The following KRT75 variants were observed in gnomAD, a reference collection of about 807,000 sequenced individuals.
KRT75 encodes keratin, type II cytoskeletal 75.
Under a neutral mutation model 48.8 loss-of-function variants are expected in KRT75, and 35 were observed. The observed-to-expected ratio is 0.72, with a 90% CI of 0.55 to 0.95. KRT75 has a LOEUF of 0.95. Ranked by LOEUF, KRT75 falls within the 40% of genes least tolerant of loss-of-function variation. KRT75 has a pLI of 0.00. For missense variants in KRT75, 776 were observed against 709.9 expected (o/e 1.09, Z -1.06); for synonymous variants, 301 against 282.3 (o/e 1.07, Z -0.66).
chr12:52,429,903 G>A (rs1005783792), intron 5 of KRT75, among the ~76,000 whole-genome samples: 1 of 152,148 alleles, frequency 6.6e-6, no homozygotes, highest in Non-Finnish European at 1.5e-5. Context: ...GGCTGTCTGA[G>A]CTCTGGGCAG....
chr12:52,424,511 GCT>G lies in KRT75; in HGVS notation c.*4_*5del. ...AAGGCAGGGTAGAGGGAGCCATGGG[GCT>G]CTCTTAGTGCGTGTAGCTCTTCTGG... On this transcript the variant is annotated 3_prime_UTR_variant, in exon 9 of 9. Transcript: ENST00000252245. The G allele has an allele frequency of 6.2e-7, 1 of 1,612,312 alleles. No individual in the cohort carries two copies. The highest frequency in any genetic ancestry group is 1.3e-5 in the African/African-American group (1 of 75,004).
At position 52,424,217 on chromosome 12, in the gene KRT75, A is replaced by AG; in HGVS notation, c.*299dup. On this transcript the variant is annotated 3_prime_UTR_variant, in exon 9 of 9. Coordinates refer to ENST00000252245, the MANE Select transcript of KRT75 (RefSeq NM_004693.3). Reference sequence around the variant, plus strand: ...CCAGCCTCTGCATCTGGAGGGAGGGAGGGAGGTGGAGCTGGAGGAGGACTT... The same window carrying AG: ...CCAGCCTCTGCATCTGGAGGGAGGGAGGGGAGGTGGAGCTGGAGGAGGACTT... 2.1e-6 allele frequency: 1 copy of AG among 468,768 alleles called. No individual in the cohort carries two copies. The highest frequency in any genetic ancestry group is 4.0e-6 in the Non-Finnish European group (1 of 253,122). The allele number at this position is 468,768 out of a possible 1,614,324, so 29.0% of individuals were successfully genotyped here.
chr12:52,430,061 C>A (rs1392492767), intron 5 of KRT75, among the ~76,000 whole-genome samples: 25 of 152,148 alleles, frequency 1.6e-4, no homozygotes, highest in Admixed American at 1.6e-3. Flanking sequence ...TACAAAGCCC[C>A]CATGTCTTCC....
chr12:52,427,212 A>G (rs979336406), intron 7 of KRT75, among the ~76,000 whole-genome samples: 1 of 152,252 alleles, frequency 6.6e-6, no homozygotes, highest in African/African-American at 2.4e-5. Context: ...ACAAGGGACC[A>G]TTGTCATGCA....
intron 2 of KRT75, 38 bp from the exon 3 acceptor site, chr12:52,432,104 T>A (rs1355752722): frequency 6.8e-6 from 11 of 1,607,370 alleles, no homozygotes; most frequent in Non-Finnish European, 9.4e-6. Context: ...GTTGAGCAAG[T>A]CTGCATTGAA....
intron 5 of KRT75, among the ~76,000 whole-genome samples, 194 bp downstream of exon 5, chr12:52,430,347 G>A (rs1940126972): frequency 1.3e-5 from 2 of 152,130 alleles, no homozygotes; most frequent in South Asian, 2.1e-4. Context: ...CCAGCATTGG[G>A]CTGACCATGT....
At chr12:52,433,564 C>A (rs1485724522) in intron 1 of KRT75, among the ~76,000 whole-genome samples, 2 of 152,170 alleles carry the variant, frequency 1.3e-5, no homozygotes, top group Non-Finnish European at 2.9e-5. Context: ...AGAGAATCAA[C>A]AAAACTCTTC....
At chr12:52,426,875 G>T (rs1261353548) in intron 7 of KRT75, 24 bp from the exon 8 acceptor site, 1 of 1,613,344 alleles carries the variant, frequency 6.2e-7, no homozygotes, top group Non-Finnish European at 8.5e-7. Context: ...GCAGGGAGAA[G>T]GAAGGTTACC....
rs1270241192 is a variant in KRT75 at position 52,433,210 on chromosome 12, A to C, written c.541T>G (p.Trp181Gly). ...EQQNKVLETK[W>G]ALLQEQGSRT... Reference sequence around the variant, plus strand: ...GAGCCCTGCTCCTGCAGGAGGGCCCACTTGGTCTCCAGGACCTTGTTCTGC... The same window carrying C: ...GAGCCCTGCTCCTGCAGGAGGGCCCCCTTGGTCTCCAGGACCTTGTTCTGC... Residue 181 changes from tryptophan (W) to glycine (G), a missense_variant, in exon 2 of 9, where the codon TGG becomes GGG. Physicochemically the swap from Trp to Gly is radical, Grantham distance 184. Coordinates refer to ENST00000252245, the MANE Select transcript of KRT75 (RefSeq NM_004693.3). 1 of 1,613,924 alleles carries C rather than the reference A, an allele frequency of 6.2e-7. No individual in the cohort carries two copies. Among genetic ancestry groups the C allele is most frequent in the Non-Finnish European group, 8.5e-7 (1 of 1,179,986 alleles).
chr12:52,434,242 CGAGGTGG>C lies in KRT75; in HGVS notation c.56_62del (p.Thr19ArgfsTer111). On this transcript the variant is annotated frameshift_variant, in exon 1 of 9. Transcript: ENST00000252245. LOFTEE classifies it high-confidence loss of function. ...AGCGGCCAGCTGCCGGGGTGATGGC[CGAGGTGG>C]TGCTGAAGCCCCTGCGGCTGCCAGA... The C allele has an allele frequency of 1.3e-6, 2 of 1,589,260 alleles. No individual in the cohort carries two copies. Among genetic ancestry groups the C allele is most frequent in the South Asian group, 1.1e-5 (1 of 86,964 alleles).
chr12:52,428,700 A>G lies in KRT75; in HGVS notation c.1079T>C (p.Leu360Pro). 6.2e-7 allele frequency: 1 copy of G among 1,614,152 alleles called. No homozygotes were observed. Among genetic ancestry groups the G allele is most frequent in the Non-Finnish European group, 8.5e-7 (1 of 1,180,036 alleles). ...QVTAGRHGDD[L>P]RNTKQEISEM... is the part of the protein sequence containing the mutation. ...AGAGATCTCTTGTTTGGTGTTTCGAAGGTCATCCCCATGTCTGCCTGCGGT... is the reference window on the plus strand; with the variant it reads ...AGAGATCTCTTGTTTGGTGTTTCGAGGGTCATCCCCATGTCTGCCTGCGGT... The change falls in exon 6 of 9, where the codon CTT becomes CCT. Residue 360 changes from leucine to proline, a missense_variant. Coordinates refer to ENST00000252245, the MANE Select transcript of KRT75 (RefSeq NM_004693.3).
rs992679068 is a variant in KRT75 at position 52,429,872 on chromosome 12, C to T, written c.1035+669G>A. The stretch of plus-strand genomic sequence containing the variant: ...CTGGTATCATGGGTCAATTGTACCC[C>T]GCAAAGCCAAACTTCTTTGCGGCTG... On this transcript the variant is annotated intron_variant, in intron 5 of 8. Transcript: ENST00000252245. Among the ~76,000 whole-genome samples the T allele has an allele frequency of 4.6e-5, 7 of 152,138 alleles. No homozygotes were observed. In the South Asian group the frequency reaches 6.2e-4, roughly 14 times the overall value.
intron 3 of KRT75, 83 bp from the exon 4 acceptor site, chr12:52,431,721 G>A: frequency 9.0e-7 from 1 of 1,105,146 alleles, no homozygotes; most frequent in Non-Finnish European, 1.4e-6. Context: ...TTTCTCCCCA[G>A]CCCATCTAGT....
chr12:52,427,045 A>G (rs1940083891), intron 7 of KRT75, among the ~76,000 whole-genome samples, 194 bp from the exon 8 acceptor site: 1 of 152,262 alleles, frequency 6.6e-6, no homozygotes, highest in African/African-American at 2.4e-5. Flanking sequence ...AATGAATAAA[A>G]TAAGGTGGAG....
At position 52,431,635 on chromosome 12, in the gene KRT75, C is replaced by T. The variant is rs769201202; in HGVS notation, c.778G>A (p.Val260Ile). Residue 260 changes from valine (V) to isoleucine (I), a missense_variant, in exon 4 of 9, where the codon GTA (valine) becomes ATA (isoleucine). Val to Ile is a conservative substitution (Grantham distance 29, BLOSUM62 3). Transcript: ENST00000252245. ...ACCTTGTTCATATAGGCAGCATCTA[C>T]GTCCTGGAATGACAGCGCAGGATGC... ...ENEFVALKKD[V>I]DAAYMNKVEL... The T allele has an allele frequency of 9.3e-6, 15 of 1,611,888 alleles. No individual in the cohort carries two copies. Among genetic ancestry groups the T allele is most frequent in the African/African-American group, 2.7e-5 (2 of 75,024 alleles).
chr12:52,430,451 T>C, intron 5 of KRT75, 90 bp downstream of exon 5: 2 of 1,335,978 alleles, frequency 1.5e-6, no homozygotes, highest in Non-Finnish European at 2.2e-6. Context: ...ACGAATGTGC[T>C]CACACGTTTC....
chr12:52,430,642 G>C lies in KRT75; in HGVS notation c.934C>G (p.Arg312Gly). ...TSVVLSMDNNRNLDLDSIIAE... is the reference protein window; with the variant it reads ...TSVVLSMDNNGNLDLDSIIAE... ...ATGATACTATCCAGGTCCAGGTTGC[G>C]GTTGTTGTCCATGGACAGCACCACG... Residue 312 changes from arginine (R) to glycine (G), a missense_variant, in exon 5 of 9, where the codon CGC becomes GGC. Physicochemically the swap from Arg to Gly is moderately radical, Grantham distance 125. Coordinates refer to ENST00000252245, the MANE Select transcript of KRT75 (RefSeq NM_004693.3). 1 of 1,614,184 alleles carries C rather than the reference G, an allele frequency of 6.2e-7. No individual in the cohort carries two copies. Among genetic ancestry groups the C allele is most frequent in the South Asian group, 1.1e-5 (1 of 91,080 alleles).
intron 8 of KRT75, among the ~76,000 whole-genome samples, chr12:52,425,656 C>T (rs767581233): frequency 3.9e-5 from 6 of 152,190 alleles, no homozygotes; most frequent in Admixed American, 6.5e-5. Flanking sequence ...TAGGAGGAGG[C>T]TGGAGGGGGG....
rs1940104566 is a variant in KRT75, at chr12:52,428,622, T to C, written c.1157A>G (p.Lys386Arg). The C allele has an allele frequency of 1.9e-6, 3 of 1,614,228 alleles. No individual in the cohort carries two copies. The highest frequency in any genetic ancestry group is 2.2e-5 in the East Asian group (1 of 44,884). Residue 386 changes from lysine (K) to arginine (R), a missense_variant, in exon 6 of 9, where the codon AAG (lysine) becomes AGG (arginine). Physicochemically the swap from Lys to Arg is conservative, Grantham distance 26. Transcript: ENST00000252245. Reference sequence around the variant, plus strand: ...TTGGCCCTGCCAAATCTTTACCTGCTTCTTGACGCTGTCAATCTCAGCTCT... The same window carrying C: ...TTGGCCCTGCCAAATCTTTACCTGCCTCTTGACGCTGTCAATCTCAGCTCT... ...RLRAEIDSVK[K>R]QCSSLQTAIA...
Sources: gnomAD v4.1 joint callset for allele counts (sites outside exome capture counted in the v4.1 genomes callset) on GRCh38, gnomAD v4.1.1 for gene constraint, MANE v1.5 for transcripts, NCBI Gene and HGNC (gene_info 2026-07-23, HGNC 2026-07-21) for gene names.